RASGRP3: variants seen among roughly 807,000 people sequenced by gnomAD.
RASGRP3 encodes the protein RAS guanyl releasing protein 3.
In RASGRP3, 54 loss-of-function variants were observed where a neutral mutation model predicts 82.7. The observed-to-expected ratio is 0.65, with a 90% CI of 0.52 to 0.82. RASGRP3 has a LOEUF of 0.82. RASGRP3 is among the 40% of genes least tolerant of loss of function. RASGRP3 has a pLI of 0.00. For missense variants in RASGRP3, 861 were observed against 828.9 expected (o/e 1.04, Z -0.48); for synonymous variants, 309 against 300.5 (o/e 1.03, Z -0.29).
upstream of RASGRP3, among the ~76,000 whole-genome samples, chr2:33,475,826 A>G (rs142403137): frequency 4.1e-3 from 627 of 152,318 alleles, 11 homozygotes; most frequent in African/African-American, 0.015. Context: ...CCAAGTTCCC[A>G]GCACACCAAA....
At position 33,477,438 on chromosome 2, in the gene RASGRP3, C is replaced by T. The variant is rs1321513152; in HGVS notation, c.-261+731C>T. On this transcript the variant is annotated intron_variant, in intron 1 of 17. Transcript: ENST00000403687. ...TCATTACTTTAAAATGTTCGGTTGC[C>T]GCTGGTCTTCCTTATTTTAGTGTTT... Among the ~76,000 whole-genome samples, 4 of 152,296 alleles carry T rather than the reference C, an allele frequency of 2.6e-5. No individual in the cohort carries two copies. The East Asian group carries it at 5.8e-4, about 22-fold the overall frequency.
intron 1 of RASGRP3, among the ~76,000 whole-genome samples, chr2:33,441,235 C>G (rs1201578485): frequency 1.3e-5 from 2 of 152,138 alleles, no homozygotes; most frequent in Admixed American, 6.6e-5. Context: ...ATCCTTTGAC[C>G]TATATGTCCC....
intron 13 of RASGRP3, 46 bp from the exon 14 acceptor site, chr2:33,549,558 A>C (rs771139774): frequency 1.3e-6 from 2 of 1,567,418 alleles, no homozygotes; most frequent in Non-Finnish European, 8.7e-7. Context: ...ACTACTTAGC[A>C]ACCTGTTATT....
At chr2:33,473,686 C>G (rs1667194205), upstream of RASGRP3, among the ~76,000 whole-genome samples, 4 of 152,174 alleles carry the variant, frequency 2.6e-5, no homozygotes, top group Admixed American at 2.6e-4. Flanking sequence ...AACCTTTAGT[C>G]ACACTCCTGG....
At chr2:33,440,523 G>A (rs774562015) in intron 1 of RASGRP3, among the ~76,000 whole-genome samples, 2 of 152,190 alleles carry the variant, frequency 1.3e-5, no homozygotes, top group Non-Finnish European at 2.9e-5. Context: ...AGCTAAGGGC[G>A]CCAGTTGCTC....
At chr2:33,499,695 T>G (rs1669672833) in intron 1 of RASGRP3, among the ~76,000 whole-genome samples, 1 of 152,094 alleles carries the variant, frequency 6.6e-6, no homozygotes, top group South Asian at 2.1e-4. Context: ...GGTCAACTGA[T>G]TTGGATCAAA....
At chr2:33,517,965 T>C (rs1671624943) in intron 4 of RASGRP3, among the ~76,000 whole-genome samples, 1 of 152,170 alleles carries the variant, frequency 6.6e-6, no homozygotes, top group Admixed American at 6.5e-5. Context: ...ACAAGCTCAA[T>C]AAATATTTGT....
At chr2:33,443,454 C>G (rs1450823439) in intron 1 of RASGRP3, among the ~76,000 whole-genome samples, 1 of 152,114 alleles carries the variant, frequency 6.6e-6, no homozygotes, top group Admixed American at 6.5e-5. Context: ...GATGGGGAAA[C>G]TAAACATGTG....
At chr2:33,528,012 T>G (rs1551486) in intron 10 of RASGRP3, among the ~76,000 whole-genome samples, 23,438 of 152,242 alleles carry the variant, frequency 0.15, 2,226 homozygotes, top group Non-Finnish European at 0.2. Flanking sequence ...TTCTGCTTCC[T>G]GGCCTTTGGA....
chr2:33,483,287 G>A (rs1029511429), intron 1 of RASGRP3, among the ~76,000 whole-genome samples: 7 of 151,954 alleles, frequency 4.6e-5, no homozygotes, highest in African/African-American at 1.5e-4. Context: ...CAGGTGGATC[G>A]ATCTCCACCC....
intron 13 of RASGRP3, among the ~76,000 whole-genome samples, chr2:33,548,280 G>A (rs1216630075): frequency 6.8e-6 from 1 of 147,508 alleles, no homozygotes; most frequent in African/African-American, 2.5e-5. Flanking sequence ...AGAATGGCGT[G>A]AACCTGGGAG....
intron 4 of RASGRP3, 169 bp downstream of exon 4, chr2:33,516,813 C>G (rs1671510694): frequency 4.1e-6 from 2 of 482,414 alleles, no homozygotes; most frequent in African/African-American, 4.0e-5. Context: ...GATGATAGAC[C>G]AGATAGTTGA....
At chr2:33,507,140 A>C (rs913008108) in intron 1 of RASGRP3, among the ~76,000 whole-genome samples, 5 of 152,240 alleles carry the variant, frequency 3.3e-5, no homozygotes, top group Non-Finnish European at 7.3e-5. Context: ...TCACACATGT[A>C]ATTCCAGCAC....
intron 7 of RASGRP3, among the ~76,000 whole-genome samples, chr2:33,523,611 T>C (rs953412546): frequency 6.6e-6 from 1 of 152,178 alleles, no homozygotes; most frequent in Admixed American, 6.5e-5. Context: ...AATACAACTT[T>C]GAATCTTGCC....
At chr2:33,438,947 G>A (rs892680403) in intron 1 of RASGRP3, among the ~76,000 whole-genome samples, 62 of 152,120 alleles carry the variant, frequency 4.1e-4, no homozygotes, top group Non-Finnish European at 1.6e-4. Flanking sequence ...GTGTTGAAGA[G>A]GGATGTGGGA....
At chr2:33,462,377 T>TG (rs1666421292) in intron 2 of RASGRP3, among the ~76,000 whole-genome samples, 1 of 143,114 alleles carries the variant, frequency 7.0e-6, no homozygotes, top group Admixed American at 7.1e-5. Context: ...TTTTTTTTTT[T>TG]GTTTTTCTTT....
rs1488343750 is a variant in RASGRP3, at chr2:33,558,284, C to G, written c.1653C>G (p.Pro551=). Residue 551 remains proline (P), a synonymous_variant, in exon 16 of 18, where the codon CCC becomes CCG. Transcript: ENST00000403687. The part of the protein sequence containing the change: ...VLACRRFARA[P]SLSSGHGSLP... ...CCTGCAGGAGATTTGCCCGGGCGCC[C>G]TCCTTGAGCAGTGGTCATGGGTCAC... The G allele has an allele frequency of 2.5e-6, 4 of 1,613,584 alleles. No individual in the cohort carries two copies. Among genetic ancestry groups the G allele is most frequent in the South Asian group, 2.2e-5 (2 of 90,996 alleles).
chr2:33,480,565 A>C (rs112560563), intron 1 of RASGRP3, among the ~76,000 whole-genome samples: 16 of 152,350 alleles, frequency 1.1e-4, no homozygotes, highest in African/African-American at 3.6e-4. Context: ...AGAGTCCACA[A>C]GTCATACTCT....
At position 33,507,288 on chromosome 2, in the gene RASGRP3, G is replaced by A. The variant is rs1422228086; in HGVS notation, c.-260-4422G>A. ...TGCGTGCCTGTAATCCCAGGTACTC[G>A]GAAGGCTGAGGTAGGAGAATTGCTT... On this transcript the variant is annotated intron_variant, in intron 1 of 17. Transcript: ENST00000403687. Among the ~76,000 whole-genome samples, 5 of 152,080 alleles carry A rather than the reference G, an allele frequency of 3.3e-5. No individual in the cohort carries two copies. In the South Asian group the frequency reaches 6.2e-4, roughly 19 times the overall value.
Sources: gnomAD v4.1 joint callset for allele counts (sites outside exome capture counted in the v4.1 genomes callset) on GRCh38, gnomAD v4.1.1 for gene constraint, MANE v1.5 for transcripts, NCBI Gene and HGNC (gene_info 2026-07-23, HGNC 2026-07-21) for gene names.